Variants in TMEM163 observed in about 807,000 individuals in gnomAD.
The protein encoded by TMEM163 is transmembrane protein 163.
A neutral mutation model predicts 29.3 loss-of-function variants in TMEM163; 17 were observed. That is an observed-to-expected ratio of 0.58 (90% CI 0.40 to 0.87). TMEM163 has a LOEUF of 0.87. TMEM163 is among the 40% of genes least tolerant of loss of function. The pLI is 0.00. For missense variants in TMEM163, 303 were observed against 381.5 expected, an observed-to-expected ratio of 0.79 and a Z score of 1.71; for synonymous variants, 157 against 160.6, an observed-to-expected ratio of 0.98 and a Z score of 0.17.
intron 4 of TMEM163, among the ~76,000 whole-genome samples, chr2:134,507,055 G>A (rs1354882577): frequency 3.3e-5 from 5 of 152,198 alleles, no homozygotes; most frequent in South Asian, 2.1e-4. Context: ...TTAAATTCCC[G>A]GCCGGGTGCA....
At chr2:134,704,430 T>C (rs1684763455) in intron 2 of TMEM163, among the ~76,000 whole-genome samples, 1 of 152,116 alleles carries the variant, frequency 6.6e-6, no homozygotes, top group African/African-American at 2.4e-5. Context: ...AAGACTGGTC[T>C]GGTCCCCATG....
At chr2:134,483,433 T>C (rs898554595) in intron 5 of TMEM163, among the ~76,000 whole-genome samples, 1 of 152,210 alleles carries the variant, frequency 6.6e-6, no homozygotes, top group African/African-American at 2.4e-5. Flanking sequence ...GCTCCCTGCA[T>C]TGGTATGAAC....
chr2:134,472,495 T>G (rs1686827469), intron 5 of TMEM163, among the ~76,000 whole-genome samples: 1 of 152,250 alleles, frequency 6.6e-6, no homozygotes, highest in African/African-American at 2.4e-5. Flanking sequence ...CATACAATTC[T>G]GGTGGCAGTG....
chr2:134,551,216 G>C (rs1680913438), intron 3 of TMEM163, among the ~76,000 whole-genome samples: 1 of 152,010 alleles, frequency 6.6e-6, no homozygotes, highest in South Asian at 2.1e-4. Flanking sequence ...GTGTGTGTTT[G>C]TGTGTTTCTG....
intron 2 of TMEM163, among the ~76,000 whole-genome samples, chr2:134,612,676 A>G (rs1191925851): frequency 1.3e-5 from 2 of 152,192 alleles, no homozygotes; most frequent in Non-Finnish European, 2.9e-5. Context: ...GCAGAACTTC[A>G]GAGACCACAC....
chr2:134,602,084 T>C (rs1682248445), intron 2 of TMEM163, among the ~76,000 whole-genome samples: 1 of 152,184 alleles, frequency 6.6e-6, no homozygotes. Flanking sequence ...CTACTTTAAA[T>C]GGAGGATGAA....
At chr2:134,611,883 A>C (rs1381767142) in intron 2 of TMEM163, among the ~76,000 whole-genome samples, 1 of 152,230 alleles carries the variant, frequency 6.6e-6, no homozygotes, top group Non-Finnish European at 1.5e-5. Context: ...ACTTGCAGGA[A>C]AGTAACCAAA....
At chr2:134,635,326 G>C (rs1030842064) in intron 2 of TMEM163, among the ~76,000 whole-genome samples, 2 of 152,052 alleles carry the variant, frequency 1.3e-5, no homozygotes, top group African/African-American at 4.8e-5. Flanking sequence ...GTGCATCCCT[G>C]AGCCACCCCC....
intron 2 of TMEM163, among the ~76,000 whole-genome samples, chr2:134,663,263 C>A (rs1312716584): frequency 6.6e-6 from 1 of 152,220 alleles, no homozygotes; most frequent in Non-Finnish European, 1.5e-5. Flanking sequence ...GCAGCTCAGG[C>A]TGGTTTCTGT....
rs1682941999 is a variant in TMEM163, at chr2:134,630,452, C to T, written c.323-78361G>A. Among the ~76,000 whole-genome samples, 5 of 152,136 alleles carry T rather than the reference C, an allele frequency of 3.3e-5. No homozygotes were observed. In the South Asian group the frequency reaches 1.0e-3, roughly 32 times the overall value. ...TATCTGAATTTCCCTTATTAGGCCC[C>T]TCATATCCAATGCAGCGCTGTGCAG... On this transcript the variant is annotated intron_variant, in intron 2 of 7. Transcript: ENST00000281924.
At chr2:134,628,434 C>T (rs777669135) in intron 2 of TMEM163, among the ~76,000 whole-genome samples, 4 of 152,214 alleles carry the variant, frequency 2.6e-5, no homozygotes, top group Non-Finnish European at 4.4e-5. Flanking sequence ...CTTTCATATG[C>T]CTGGGCCCAT....
At chr2:134,577,201 C>A (rs1248658553) in intron 2 of TMEM163, among the ~76,000 whole-genome samples, 1 of 152,198 alleles carries the variant, frequency 6.6e-6, no homozygotes, top group Non-Finnish European at 1.5e-5. Context: ...TAGACATGCA[C>A]ACGCATAAAG....
intron 5 of TMEM163, among the ~76,000 whole-genome samples, chr2:134,497,296 G>A (rs1019865158): frequency 6.6e-6 from 1 of 152,178 alleles, no homozygotes; most frequent in African/African-American, 2.4e-5. Context: ...ACAGAGGGTT[G>A]GTCTGGAGAT....
rs71188325 is a variant in TMEM163, at chr2:134,608,822, T to C, written c.323-56731A>G. 5.3e-3 allele frequency among the ~76,000 whole-genome samples: 139 copies of C among 26,032 alleles called. 2 individuals carry two copies. Among genetic ancestry groups the C allele is most frequent in the Middle Eastern group, 0.025 (1 of 40 alleles). The allele number at this position is 26,032 out of a possible 152,430, so 17.1% of individuals were successfully genotyped here. On this transcript the variant is annotated intron_variant, in intron 2 of 7. Transcript: ENST00000281924. ...TGGTGAAAAGGACAGACCCCGAGAA[T>C]TGTGCTGGTGAAAAGGACAGACCCC...
chr2:134,593,502 C>T (rs1357948612), intron 2 of TMEM163, among the ~76,000 whole-genome samples: 1 of 152,140 alleles, frequency 6.6e-6, no homozygotes, highest in African/African-American at 2.4e-5. Flanking sequence ...GGCACATGCC[C>T]CGCTGCTGTC....
chr2:134,528,846 TAGG>T (rs1045419520), intron 4 of TMEM163, among the ~76,000 whole-genome samples: 4 of 152,190 alleles, frequency 2.6e-5, no homozygotes, highest in African/African-American at 4.8e-5. Context: ...TATGTTATAA[TAGG>T]AGAAGAAAAA....
At chr2:134,523,722 T>C (rs2106496128) in intron 4 of TMEM163, among the ~76,000 whole-genome samples, 1 of 152,200 alleles carries the variant, frequency 6.6e-6, no homozygotes, top group Non-Finnish European at 1.5e-5. Context: ...GAAATAAAGT[T>C]TCCATTAAAC....
intron 2 of TMEM163, among the ~76,000 whole-genome samples, chr2:134,659,033 C>T (rs554925313): frequency 7.2e-5 from 11 of 152,220 alleles, no homozygotes; most frequent in Non-Finnish European, 1.6e-4. Context: ...GCCGAGTGTA[C>T]TTACACAGAC....
intron 2 of TMEM163, among the ~76,000 whole-genome samples, chr2:134,585,930 A>C (rs1284912050): frequency 6.6e-6 from 1 of 152,232 alleles, no homozygotes; most frequent in Non-Finnish European, 1.5e-5. Context: ...TTTAGTATAA[A>C]TGCCTTATAG....
Sources: allele counts gnomAD v4.1 joint callset (sites outside exome capture counted in the v4.1 genomes callset), GRCh38; gene constraint gnomAD v4.1.1; transcripts MANE v1.5; gene names NCBI Gene and HGNC (gene_info 2026-07-23, HGNC 2026-07-21).